The following CNTN4 variants were observed in gnomAD, a reference collection of about 807,000 sequenced individuals.
CNTN4 encodes the protein contactin 4.
A neutral mutation model predicts 122.5 loss-of-function variants in CNTN4; 77 were observed. The ratio of observed to expected loss-of-function variants is 0.63; its 90% CI spans 0.52 to 0.76. CNTN4 has a LOEUF of 0.76. Ranked by LOEUF, CNTN4 falls within the 30% of genes least tolerant of loss-of-function variation. The pLI is 0.00. For missense variants in CNTN4, 1,256 were observed against 1,259.1 expected (o/e 1.00, Z 0.04); for synonymous variants, 512 against 447.0 (o/e 1.15, Z -1.83).
intron 2 of CNTN4, among the ~76,000 whole-genome samples, chr3:2,253,816 T>C (rs1465677032): frequency 6.6e-6 from 1 of 152,080 alleles, no homozygotes; most frequent in Non-Finnish European, 1.5e-5. Context: ...CAAGATTTCT[T>C]ATTAATTTAA....
chr3:2,625,190 T>G (rs778976181), intron 4 of CNTN4, among the ~76,000 whole-genome samples: 1 of 152,132 alleles, frequency 6.6e-6, no homozygotes. Flanking sequence ...CACTGCCATC[T>G]TCATCCTCCA....
In CNTN4 at chr3:2,684,948, A is replaced by G. The variant is rs1253002891; in HGVS notation, c.56-51267A>G. On this transcript the variant is annotated intron_variant, in intron 4 of 24. Coordinates refer to ENST00000418658, the MANE Select transcript of CNTN4 (RefSeq NM_175607.3). ...CAGGCCAGGGCCTTGTTCAGGGATC[A>G]GTGTGATAATTTATACTTATCTGAA... 2.0e-5 allele frequency among the ~76,000 whole-genome samples: 3 copies of G among 152,232 alleles called. No individual in the cohort carries two copies. The South Asian group carries it at 6.2e-4, about 31-fold the overall frequency.
intron 3 of CNTN4, among the ~76,000 whole-genome samples, chr3:2,509,670 C>T (rs188972648): frequency 6.4e-4 from 98 of 152,144 alleles, no homozygotes; most frequent in Middle Eastern, 3.2e-3. Context: ...AGTAAGGCAT[C>T]ACGAAAGTGT....
intron 7 of CNTN4, among the ~76,000 whole-genome samples, chr3:2,865,413 G>A (rs10510241): frequency 0.31 from 47,015 of 151,924 alleles, 7,884 homozygotes; most frequent in East Asian, 0.69. Context: ...AGTAATTAGC[G>A]TTCTCTCTAC....
chr3:2,671,017 C>A (rs2084481404), intron 4 of CNTN4, among the ~76,000 whole-genome samples: 1 of 152,172 alleles, frequency 6.6e-6, no homozygotes. Context: ...TCTCTGTCTG[C>A]CCTTAACATT....
At chr3:2,884,304 G>A (rs1356148925) in intron 9 of CNTN4, among the ~76,000 whole-genome samples, 1 of 152,076 alleles carries the variant, frequency 6.6e-6, no homozygotes, top group Non-Finnish European at 1.5e-5. Flanking sequence ...GTGTTTTACA[G>A]CAATCATAGA....
At chr3:2,999,822 A>G (rs1360610068) in intron 14 of CNTN4, among the ~76,000 whole-genome samples, 1 of 152,196 alleles carries the variant, frequency 6.6e-6, no homozygotes, top group East Asian at 1.9e-4. Flanking sequence ...TTCAAACCAT[A>G]GAAGGGATTT....
chr3:2,747,298 G>A (rs9851092), intron 6 of CNTN4, among the ~76,000 whole-genome samples: 15,323 of 149,852 alleles, frequency 0.1, 1,168 homozygotes, highest in African/African-American at 0.21. Context: ...AGTCCCAGCT[G>A]CTCGGGAGGC....
At chr3:2,299,965 T>C (rs1433646530) in intron 2 of CNTN4, among the ~76,000 whole-genome samples, 1 of 152,192 alleles carries the variant, frequency 6.6e-6, no homozygotes, top group Non-Finnish European at 1.5e-5. Flanking sequence ...AGGGTCATAT[T>C]TTATTTAGCG....
intron 12 of CNTN4, among the ~76,000 whole-genome samples, chr3:2,908,882 A>G (rs902999182): frequency 6.6e-6 from 1 of 152,146 alleles, no homozygotes. Flanking sequence ...ATGGTTCAGT[A>G]TCCCGGGGGT....
Position 2,594,422 on chromosome 3 carries a change from T to A in CNTN4, c.55+22864T>A, listed in dbSNP as rs1028007597. Among the ~76,000 whole-genome samples, 37 of 149,900 alleles carry A rather than the reference T, an allele frequency of 2.5e-4. 1 individual carries two copies. The highest frequency in any genetic ancestry group is 3.4e-3 in the Middle Eastern group (1 of 292). ...AGGGTATAATAAAATGGATCTTTTT[T>A]TTTTTTTTTTTTTTGAGACAGAGTC... On this transcript the variant is annotated intron_variant, in intron 4 of 24. Coordinates refer to ENST00000418658, the MANE Select transcript of CNTN4 (RefSeq NM_175607.3).
At chr3:2,773,980 G>A (rs1484424962) in intron 6 of CNTN4, among the ~76,000 whole-genome samples, 4 of 151,984 alleles carry the variant, frequency 2.6e-5, no homozygotes, top group African/African-American at 7.2e-5. Flanking sequence ...GGCTGGTCTC[G>A]AACTTTGGAC....
chr3:2,586,650 G>C (rs1450298996), intron 4 of CNTN4, among the ~76,000 whole-genome samples: 1 of 152,148 alleles, frequency 6.6e-6, no homozygotes, highest in Non-Finnish European at 1.5e-5. Context: ...TTTGTCCCCT[G>C]TCCCAGTGCC....
chr3:2,673,416 G>A (rs73112550), intron 4 of CNTN4, among the ~76,000 whole-genome samples: 1 of 152,238 alleles, frequency 6.6e-6, no homozygotes, highest in Admixed American at 6.5e-5. Flanking sequence ...TTGCAATGTG[G>A]CTTTCCTGCT....
In CNTN4 at chr3:2,385,968, T is replaced by G. The variant is rs1330434878; in HGVS notation, c.-89+46735T>G. Among the ~76,000 whole-genome samples the G allele has an allele frequency of 6.6e-6, 1 of 152,132 alleles. No individual in the cohort carries two copies. The highest frequency in any genetic ancestry group is 1.5e-5 in the Non-Finnish European group (1 of 68,036). On this transcript the variant is annotated intron_variant, in intron 3 of 24. Coordinates refer to ENST00000418658, the MANE Select transcript of CNTN4 (RefSeq NM_175607.3). The surrounding 1 kb of genome is among the most constrained non-coding windows in gnomAD (Gnocchi z 4.0). The stretch of plus-strand genomic sequence containing the variant: ...AGTCGCTCCCGAGAATCCTTCTTTT[T>G]ATGTTCAGAAGAGAGGTTATCACCC...
chr3:2,511,382 G>C (rs1487594393), intron 3 of CNTN4: 1 of 152,232 alleles, frequency 6.6e-6, no homozygotes, highest in Non-Finnish European at 1.5e-5. Context: ...TTAGAGATGT[G>C]TGTGATTCTC....
intron 7 of CNTN4, among the ~76,000 whole-genome samples, chr3:2,834,024 T>C (rs1167704899): frequency 6.6e-6 from 1 of 152,140 alleles, no homozygotes; most frequent in South Asian, 2.1e-4. Context: ...CGGGCACCTG[T>C]AGTCCCAGCT....
At chr3:2,238,954 T>A (rs1277788194) in intron 2 of CNTN4, 2 of 145,948 alleles carry the variant, frequency 1.4e-5, no homozygotes, top group African/African-American at 5.0e-5. Flanking sequence ...CTCGATCTCC[T>A]GACCTCGTGA....
chr3:2,210,426 TA>T (rs2038563677), intron 2 of CNTN4, among the ~76,000 whole-genome samples: 1 of 152,192 alleles, frequency 6.6e-6, no homozygotes, highest in African/African-American at 2.4e-5. Context: ...ATTGTCTGCC[TA>T]AATCACCAAG....
Sources: gnomAD v4.1 joint callset for allele counts (sites outside exome capture counted in the v4.1 genomes callset) on GRCh38, gnomAD v4.1.1 for gene constraint, Gnocchi (gnomAD v3.1) non-coding constraint, MANE v1.5 for transcripts, NCBI Gene and HGNC (gene_info 2026-07-23, HGNC 2026-07-21) for gene names.